Variants in HMCN2 observed in about 807,000 individuals in gnomAD.
HMCN2 encodes hemicentin 2, also known as hemicentin-2.
HMCN2 carries 325 observed loss-of-function variants against 377.5 expected under a neutral mutation model. That is an observed-to-expected ratio of 0.86 (90% CI 0.79 to 0.94). The LOEUF (loss-of-function observed/expected upper bound fraction) is 0.94, where lower values mean the gene tolerates loss of function less well. HMCN2 is among the 40% of genes least tolerant of loss of function. HMCN2 has a pLI of 0.00. For synonymous variants in HMCN2, 2,007 were observed against 2,046.8 expected, an observed-to-expected ratio of 0.98 and a Z score of 0.53; for missense variants, 4,543 against 4,725.3, an observed-to-expected ratio of 0.96 and a Z score of 1.13.
chr9:130,366,652 C>T (rs927741951), intron 43 of HMCN2, among the ~76,000 whole-genome samples: 4 of 151,896 alleles, frequency 2.6e-5, no homozygotes, highest in Non-Finnish European at 4.4e-5. Context: ...CAGGGTTTCA[C>T]CATGTTGGCC....
chr9:130,412,870 C>T (rs1205084639), intron 85 of HMCN2, among the ~76,000 whole-genome samples: 4 of 152,172 alleles, frequency 2.6e-5, no homozygotes, highest in Non-Finnish European at 4.4e-5. Context: ...CCACTGGGCC[C>T]TACATTTTCT....
At chr9:130,374,774 C>A in intron 49 of HMCN2, 81 bp downstream of exon 49, 1 of 651,258 alleles carries the variant, frequency 1.5e-6, no homozygotes, top group Non-Finnish European at 1.9e-6. Context: ...CAGACAACTT[C>A]CCACAAACCA....
Position 130,400,850 on chromosome 9 carries a change from A to G in HMCN2, c.11673A>G (p.Thr3891=), listed in dbSNP as rs1842828961. 1 of 1,289,678 alleles carries G rather than the reference A, an allele frequency of 7.8e-7. No homozygotes were observed. Among genetic ancestry groups the G allele is most frequent in the Non-Finnish European group, 1.0e-6 (1 of 988,800 alleles). The allele number at this position is 1,289,678 out of a possible 1,614,324, so 79.9% of individuals were successfully genotyped here. ...CCATGATGGCACCTGTGGTCCTCAC[A>G]TGTCACAGCACGGGTATACCAGCTC... ...TVTMMAPVVL[T]CHSTGIPAPT... The change falls in exon 77 of 98, where the codon ACA becomes ACG. Residue 3891 remains threonine, a synonymous_variant. Transcript: ENST00000683500.
chr9:130,402,827 G>T lies in HMCN2; in HGVS notation c.11809G>T (p.Gly3937Cys). ...EIGQALPIHA[G>C]RYTCSARNSA... The stretch of plus-strand genomic sequence containing the variant: ...CGGGCAGGCCCTCCCCATCCACGCA[G>T]GCCGCTACACCTGCTCAGCCCGCAA... The change falls in exon 78 of 98, where the codon GGC becomes TGC. Residue 3937 changes from glycine (G) to cysteine (C), a missense_variant. By Grantham distance (159) the Gly-to-Cys change is radical (BLOSUM62 -3). Around this residue, in one of 5 missense-constraint regions of HMCN2, gnomAD observed 1,073 missense variants for 1,319.5 expected, o/e 0.81. Transcript: ENST00000683500. 7.8e-7 allele frequency: 1 copy of T among 1,289,778 alleles called. No homozygotes were observed. Among genetic ancestry groups the T allele is most frequent in the Non-Finnish European group, 1.0e-6 (1 of 988,844 alleles). The allele number at this position is 1,289,778 out of a possible 1,614,324, so 79.9% of individuals were successfully genotyped here.
At position 130,430,314 on chromosome 9, in the gene HMCN2, C is replaced by T. The variant is rs1294924214; in HGVS notation, c.14357C>T (p.Ala4786Val). Residue 4786 changes from alanine (A) to valine (V), a missense_variant, in exon 95 of 98, where the codon GCC (alanine) becomes GTC (valine). Ala to Val is a moderately conservative substitution (Grantham distance 64). Coordinates refer to ENST00000683500, the MANE Select transcript of HMCN2 (RefSeq NM_001291815.2). ...DVNECLQLPK[A>V]CAYQCHNLQG... Reference sequence around the variant, plus strand: ...AATGAGTGCCTGCAGCTGCCCAAGGCCTGCGCCTACCAGTGCCACAACCTC... The same window carrying T: ...AATGAGTGCCTGCAGCTGCCCAAGGTCTGCGCCTACCAGTGCCACAACCTC... The T allele has an allele frequency of 7.1e-6, 11 of 1,543,934 alleles. No individual in the cohort carries two copies. The highest frequency in any genetic ancestry group is 5.5e-5 in the African/African-American group (4 of 73,040).
intron 6 of HMCN2, 64 bp from the exon 7 acceptor site, chr9:130,296,610 C>T (rs925518347): frequency 1.1e-5 from 5 of 457,084 alleles, no homozygotes; most frequent in Non-Finnish European, 2.3e-5. Context: ...TTGGTCACCT[C>T]CTGCCCTAAG....
chr9:130,410,097 A>G (rs1843333188), intron 84 of HMCN2, among the ~76,000 whole-genome samples: 1 of 152,250 alleles, frequency 6.6e-6, no homozygotes, highest in Non-Finnish European at 1.5e-5. Flanking sequence ...TCAGACTGCC[A>G]TCCTGTTCAT....
chr9:130,291,175 C>T (rs4837491), intron 4 of HMCN2, among the ~76,000 whole-genome samples: 113,666 of 152,100 alleles, frequency 0.75, 43,018 homozygotes, highest in East Asian at 0.97. Context: ...TTCAGGTGTA[C>T]ATTAAAGTCA....
Position 130,404,984 on chromosome 9 carries a change from T to G in HMCN2, c.12264T>G (p.Asp4088Glu). Residue 4088 changes from aspartate to glutamate, a missense_variant, in exon 81 of 98, where the codon GAT becomes GAG. By Grantham distance (45) the Asp-to-Glu change is conservative. Transcript: ENST00000683500. ...AGCCCAACATCACCTGGGACAAAGA[T>G]GGCCAGCCTGTGTCGGGCGCCGAGG... Reference protein sequence around the residue: ...SPEPNITWDKDGQPVSGAEGK... With the variant: ...SPEPNITWDKEGQPVSGAEGK... 1 of 1,289,712 alleles carries G rather than the reference T, an allele frequency of 7.8e-7. No homozygotes were observed. Among genetic ancestry groups the G allele is most frequent in the Non-Finnish European group, 1.0e-6 (1 of 988,788 alleles). 79.9% of individuals were successfully genotyped at this position (1,289,712 alleles called of 1,614,324 possible).
At chr9:130,356,893 A>C (rs1027559207) in intron 34 of HMCN2, among the ~76,000 whole-genome samples, 1 of 152,066 alleles carries the variant, frequency 6.6e-6, no homozygotes, top group Non-Finnish European at 1.5e-5. Context: ...TGGATAGATC[A>C]GTGGGTGGGT....
chr9:130,432,572 C>T lies in HMCN2; in HGVS notation c.14894+17C>T. ...CAGCCCTGGGTAAGGGCTGAGTTGG[C>T]AGGGCCTCGTGCCCTCAGGAAAAGC... On this transcript the variant is annotated intron_variant, in intron 97 of 97. Coordinates refer to ENST00000683500, the MANE Select transcript of HMCN2 (RefSeq NM_001291815.2). 1.3e-6 allele frequency: 2 copies of T among 1,548,118 alleles called. No individual in the cohort carries two copies. The highest frequency in any genetic ancestry group is 8.7e-7 in the Non-Finnish European group (1 of 1,145,352).
intron 31 of HMCN2, among the ~76,000 whole-genome samples, chr9:130,353,718 G>T (rs1472704283): frequency 1.3e-5 from 2 of 152,184 alleles, no homozygotes; most frequent in African/African-American, 4.8e-5. Context: ...CGGTCCTTAC[G>T]CGGGCAGATC....
chr9:130,354,514 G>A (rs1477861185), intron 31 of HMCN2, among the ~76,000 whole-genome samples: 5 of 152,206 alleles, frequency 3.3e-5, no homozygotes, highest in Admixed American at 2.6e-4. Context: ...TGCTGGGCTT[G>A]CCGGGGTAGC....
chr9:130,365,751 G>C (rs1463929834), intron 42 of HMCN2, 24 bp downstream of exon 42: 2 of 983,550 alleles, frequency 2.0e-6, no homozygotes, highest in Non-Finnish European at 1.2e-6. Flanking sequence ...AGGCTGGGCA[G>C]GGGGAGGGGG....
Position 130,430,552 on chromosome 9 carries a change from G to T in HMCN2, c.14595G>T (p.Val4865=). 6.4e-7 allele frequency: 1 copy of T among 1,550,528 alleles called. No individual in the cohort carries two copies. Among genetic ancestry groups the T allele is most frequent in the Middle Eastern group, 1.7e-4 (1 of 5,992 alleles). ...LRPGPMALSS[V]GRAWCPPGFI... ...CGGGTCCCATGGCCCTGAGCAGTGTGGGCCGGGCCTGGTGCCCTCCTGGTT... is the reference window on the plus strand; with the variant it reads ...CGGGTCCCATGGCCCTGAGCAGTGTTGGCCGGGCCTGGTGCCCTCCTGGTT... Residue 4865 remains valine, a synonymous_variant, in exon 95 of 98, where the codon GTG becomes GTT. Transcript: ENST00000683500.
intron 29 of HMCN2, among the ~76,000 whole-genome samples, chr9:130,349,961 G>A (rs1011577880): frequency 1.4e-5 from 2 of 140,124 alleles, no homozygotes; most frequent in African/African-American, 5.4e-5. Context: ...GCAGTGGAAC[G>A]ATCTCAGCTC....
intron 22 of HMCN2, among the ~76,000 whole-genome samples, chr9:130,334,757 TCTTC>T (rs1232114332): frequency 9.8e-5 from 9 of 91,660 alleles, no homozygotes; most frequent in Non-Finnish European, 2.0e-4. Context: ...TCTCTCTCTC[TCTTC>T]TCTCTCTCTC....
chr9:130,433,109 G>T, intron 97 of HMCN2: 1 of 463,610 alleles, frequency 2.2e-6, no homozygotes, highest in East Asian at 3.6e-5. Flanking sequence ...GATCCCGAAA[G>T]TCCGCTGGAG....
chr9:130,410,681 C>T (rs878913068), intron 85 of HMCN2, 29 bp downstream of exon 85: 50 of 1,544,798 alleles, frequency 3.2e-5, no homozygotes, highest in South Asian at 7.2e-5. Context: ...AGAGTGGGGA[C>T]GTGGGAAGTG....
Sources: allele counts gnomAD v4.1 joint callset (sites outside exome capture counted in the v4.1 genomes callset), GRCh38; gene constraint gnomAD v4.1.1; regional missense constraint gnomAD v4.1.1; transcripts MANE v1.5; gene names NCBI Gene and HGNC (gene_info 2026-07-23, HGNC 2026-07-21).